DPP6: variants seen among roughly 807,000 people sequenced by gnomAD.
DPP6 encodes A-type potassium channel modulatory protein DPP6.
A neutral mutation model predicts 122.6 loss-of-function variants in DPP6; 69 were observed. The observed-to-expected ratio is 0.56, with a 90% confidence interval of 0.46 to 0.69. The LOEUF (loss-of-function observed/expected upper bound fraction) is 0.69, where lower values mean the gene tolerates loss of function less well. DPP6 is among the 30% of genes least tolerant of loss of function. The pLI is 0.00. For synonymous variants in DPP6, 418 were observed against 433.1 expected (o/e 0.97, Z 0.43); for missense variants, 928 against 1,116.9 (o/e 0.83, Z 2.41).
intron 1 of DPP6, among the ~76,000 whole-genome samples, chr7:153,960,718 C>CGT (rs57286253): frequency 0.36 from 52,500 of 147,098 alleles, 11,602 homozygotes; most frequent in African/African-American, 0.61. Flanking sequence ...TGTGTGCATG[C>CGT]GTGTGTGTGT....
rs1319245679 is a variant in DPP6, at chr7:154,261,185, C to T, written c.244-185029C>T. Among the ~76,000 whole-genome samples, 19 of 152,286 alleles carry T rather than the reference C, an allele frequency of 1.2e-4. 1 individual carries two copies. The highest frequency in any genetic ancestry group is 3.3e-4 in the Admixed American group (5 of 15,302). On this transcript the variant is annotated intron_variant, in intron 1 of 25. Coordinates refer to ENST00000377770, the MANE Select transcript of DPP6 (RefSeq NM_130797.4). ...CTGGGATTACAGGCATGAGCTGCCACGCCCAGCCAATTCTTTTAGTTTTTT... is the reference window on the plus strand; with the variant it reads ...CTGGGATTACAGGCATGAGCTGCCATGCCCAGCCAATTCTTTTAGTTTTTT...
At chr7:154,029,497 A>G (rs1563114506) in intron 1 of DPP6, among the ~76,000 whole-genome samples, 2 of 151,308 alleles carry the variant, frequency 1.3e-5, no homozygotes, top group South Asian at 2.1e-4. Context: ...AGCCTGGGTG[A>G]CTGAGCGAGA....
chr7:154,329,970 T>C (rs952666113), intron 1 of DPP6, among the ~76,000 whole-genome samples: 17 of 151,422 alleles, frequency 1.1e-4, no homozygotes, highest in Admixed American at 5.9e-4. Context: ...CAAGCGGGAG[T>C]TGAACAATGA....
chr7:153,978,586 G>C (rs1007417532), intron 1 of DPP6, among the ~76,000 whole-genome samples: 3 of 152,086 alleles, frequency 2.0e-5, no homozygotes, highest in African/African-American at 7.2e-5. Flanking sequence ...TTTGGCTTTT[G>C]TTGCAATTGC....
At chr7:154,648,010 G>C (rs1282758154) in intron 6 of DPP6, among the ~76,000 whole-genome samples, 1 of 152,012 alleles carries the variant, frequency 6.6e-6, no homozygotes, top group Non-Finnish European at 1.5e-5. Context: ...CAGCACTTTG[G>C]GGGACCGAGG....
Position 154,809,530 on chromosome 7 carries a change from GT to G in DPP6, c.1666+2422del, listed in dbSNP as rs576115095. Among the ~76,000 whole-genome samples the G allele has an allele frequency of 3.8e-3, 579 of 152,274 alleles. 5 individuals carry two copies. Among genetic ancestry groups the G allele is most frequent in the Middle Eastern group, 0.02 (6 of 294 alleles). On this transcript the variant is annotated intron_variant, in intron 16 of 25. Transcript: ENST00000377770. ...TCCTATCAGGAGCTGACTCCTGGAG[GT>G]TTTAAGGAAATACATGACCAGATAA...
intron 1 of DPP6, among the ~76,000 whole-genome samples, chr7:154,166,317 G>C (rs1199899395): frequency 6.6e-6 from 1 of 152,148 alleles, no homozygotes; most frequent in East Asian, 1.9e-4. Flanking sequence ...GCTGTGAAGG[G>C]TCATCTTGGA....
chr7:154,493,295 G>A (rs1173081482), intron 3 of DPP6, among the ~76,000 whole-genome samples: 1 of 152,162 alleles, frequency 6.6e-6, no homozygotes, highest in Non-Finnish European at 1.5e-5. Context: ...CATTTTGTAA[G>A]TGAACCAAAT....
At chr7:153,825,292 C>G in the DPP6 span, among the ~76,000 whole-genome samples, 1 of 152,024 alleles carries the variant, frequency 6.6e-6, no homozygotes, top group East Asian at 1.9e-4. Flanking sequence ...TAAGGAGGAC[C>G]ACTTATGAAT....
the DPP6 span, among the ~76,000 whole-genome samples, chr7:153,774,046 A>C: frequency 1.3e-5 from 2 of 152,156 alleles, no homozygotes; most frequent in African/African-American, 2.4e-5. Context: ...AGCTTATAAA[A>C]GGCATAACTA....
At chr7:153,794,207 A>G in the DPP6 span, among the ~76,000 whole-genome samples, 1 of 152,330 alleles carries the variant, frequency 6.6e-6, no homozygotes, top group African/African-American at 2.4e-5. Context: ...GTTCACCTGG[A>G]AAAGCTGCAG....
Position 154,451,864 on chromosome 7 carries a change from G to A in DPP6, c.358+5536G>A, listed in dbSNP as rs181612989. 9.2e-4 allele frequency among the ~76,000 whole-genome samples: 140 copies of A among 152,314 alleles called. 1 individual carries two copies. The highest frequency in any genetic ancestry group is 3.1e-3 in the African/African-American group (128 of 41,570). ...TGTTTCTCTGGGCTGTGCTGCCCTG[G>A]GATGGGGTGTCCAAGGTTTAGGCCT... is the stretch of plus-strand genomic sequence containing the variant. On this transcript the variant is annotated intron_variant, in intron 2 of 25. Coordinates refer to ENST00000377770, the MANE Select transcript of DPP6 (RefSeq NM_130797.4).
chr7:154,527,971 G>A (rs1472262226), intron 3 of DPP6, among the ~76,000 whole-genome samples: 1 of 150,844 alleles, frequency 6.6e-6, no homozygotes, highest in Non-Finnish European at 1.5e-5. Context: ...AAAATAATTT[G>A]TTATTGTTAT....
At chr7:154,267,971 A>G (rs2044530149) in intron 1 of DPP6, among the ~76,000 whole-genome samples, 1 of 151,454 alleles carries the variant, frequency 6.6e-6, no homozygotes, top group African/African-American at 2.4e-5. Flanking sequence ...ATACACACGT[A>G]TATGCGCACA....
chr7:154,540,684 A>C, intron 4 of DPP6, 58 bp downstream of exon 4: 1 of 1,080,746 alleles, frequency 9.3e-7, no homozygotes, highest in South Asian at 1.5e-5. Flanking sequence ...CAAGTCAATA[A>C]AACAGAAAAT....
chr7:154,086,631 T>TG (rs1462196948), intron 1 of DPP6, among the ~76,000 whole-genome samples: 2 of 151,114 alleles, frequency 1.3e-5, no homozygotes, highest in South Asian at 2.1e-4. Flanking sequence ...TTTTTTTTTT[T>TG]TTTTTGAGAT....
chr7:154,060,144 C>G (rs534735011), intron 1 of DPP6, among the ~76,000 whole-genome samples: 2 of 149,564 alleles, frequency 1.3e-5, no homozygotes, highest in African/African-American at 5.0e-5. Flanking sequence ...CTTTCCTCCC[C>G]TGGCTCTTTG....
At chr7:154,579,544 C>A (rs1209170315) in intron 5 of DPP6, among the ~76,000 whole-genome samples, 1 of 152,198 alleles carries the variant, frequency 6.6e-6, no homozygotes, top group African/African-American at 2.4e-5. Context: ...TTTAACCTCA[C>A]CCCCTGCCCT....
At chr7:154,382,224 G>A (rs143954483) in intron 1 of DPP6, among the ~76,000 whole-genome samples, 1 of 151,944 alleles carries the variant, frequency 6.6e-6, no homozygotes, top group South Asian at 2.1e-4. Context: ...GTCTCACTCT[G>A]TCACCCAGGC....
Sources: allele counts gnomAD v4.1 joint callset (sites outside exome capture counted in the v4.1 genomes callset), GRCh38; gene constraint gnomAD v4.1.1; transcripts MANE v1.5; gene names NCBI Gene and HGNC (gene_info 2026-07-23, HGNC 2026-07-21).